Variants in KIRREL3 observed in about 807,000 individuals in gnomAD.
KIRREL3 encodes kirre like nephrin family adhesion molecule 3, also known as kin of IRRE-like protein 3.
Under a neutral mutation model 89.7 loss-of-function variants are expected in KIRREL3, and 36 were observed. That is an observed-to-expected ratio of 0.40 (90% CI 0.31 to 0.53). The LOEUF is 0.53. KIRREL3 is among the 20% of genes least tolerant of loss of function. The pLI is 0.49. For missense variants in KIRREL3, 864 were observed against 1,056.6 expected (o/e 0.82, Z 2.53); for synonymous variants, 445 against 441.4 (o/e 1.01, Z -0.10).
In KIRREL3 at chr11:126,706,209, T is replaced by C. The variant is rs144682275; in HGVS notation, c.56-143297A>G. ...TGGGTTTTATTTCCAGTGGCTATATTTTGGGATAGTTTGTCACATAGAAAT... is the reference window on the plus strand; with the variant it reads ...TGGGTTTTATTTCCAGTGGCTATATCTTGGGATAGTTTGTCACATAGAAAT... On this transcript the variant is annotated intron_variant, in intron 1 of 16. Coordinates refer to ENST00000525144, the MANE Select transcript of KIRREL3 (RefSeq NM_032531.4). Among the ~76,000 whole-genome samples the C allele has an allele frequency of 3.3e-3, 502 of 152,318 alleles. 1 individual carries two copies. Among genetic ancestry groups the C allele is most frequent in the African/African-American group, 0.011 (456 of 41,562 alleles).
Position 126,995,104 on chromosome 11 carries a change from C to G in KIRREL3, c.55+5351G>C. The stretch of plus-strand genomic sequence containing the variant: ...GGATGAAGCGATTACAACCTGGGCG[C>G]AGTATACTGGCTGGCTTTGCTGCTC... On this transcript the variant is annotated intron_variant, in intron 1 of 16. Transcript: ENST00000525144. This position sits in a 1 kb window ranked among gnomAD's most constrained non-coding sequence, Gnocchi z 6.5. 2.3e-6 allele frequency: 1 copy of G among 436,190 alleles called. No individual in the cohort carries two copies. 27.0% of individuals were successfully genotyped at this position (436,190 alleles called of 1,614,324 possible).
intron 2 of KIRREL3, among the ~76,000 whole-genome samples, chr11:126,538,178 C>T (rs1296257623): frequency 1.3e-5 from 2 of 152,220 alleles, no homozygotes; most frequent in Admixed American, 6.5e-5. Flanking sequence ...TCTGCTCATC[C>T]GGGTTGGCTT....
rs1228993234 is a variant in KIRREL3 at position 126,723,189 on chromosome 11, AT to A, written c.56-160278del. Among the ~76,000 whole-genome samples, 20 of 125,126 alleles carry A rather than the reference AT, an allele frequency of 1.6e-4. No individual in the cohort carries two copies. The highest frequency in any genetic ancestry group is 1.3e-3 in the Admixed American group (15 of 11,470). The allele number at this position is 125,126 out of a possible 152,430, so 82.1% of individuals were successfully genotyped here. On this transcript the variant is annotated intron_variant, in intron 1 of 16. Coordinates refer to ENST00000525144, the MANE Select transcript of KIRREL3 (RefSeq NM_032531.4). The surrounding 1 kb of genome is among the most constrained non-coding windows in gnomAD (Gnocchi z 4.0). The stretch of plus-strand genomic sequence containing the variant: ...ATCTCAGAGCCTGCAGCCCTGACAC[AT>A]TGCAGGTACTTAGCATACAGAGCTG...
chr11:126,774,406 G>C (rs1268407465), intron 1 of KIRREL3, among the ~76,000 whole-genome samples: 1 of 152,128 alleles, frequency 6.6e-6, no homozygotes, highest in Non-Finnish European at 1.5e-5. Flanking sequence ...GGGCCTCCTT[G>C]GCCTTTGACT....
chr11:126,744,969 T>C lies in KIRREL3; in HGVS notation c.56-182057A>G, dbSNP rs1949096647. Reference sequence around the variant, plus strand: ...TTCAGACACATTAGGTTGGAGGTGATGCGAACTGTCTTGCTGGAAGTGTCC... The same window carrying C: ...TTCAGACACATTAGGTTGGAGGTGACGCGAACTGTCTTGCTGGAAGTGTCC... On this transcript the variant is annotated intron_variant, in intron 1 of 16. Transcript: ENST00000525144. The surrounding 1 kb of genome is among the most constrained non-coding windows in gnomAD (Gnocchi z 4.7). Among the ~76,000 whole-genome samples, 1 of 152,030 alleles carries C rather than the reference T, an allele frequency of 6.6e-6. No individual in the cohort carries two copies. Among genetic ancestry groups the C allele is most frequent in the African/African-American group, 2.4e-5 (1 of 41,368 alleles).
intron 1 of KIRREL3, among the ~76,000 whole-genome samples, chr11:126,794,174 G>A (rs185834735): frequency 6.6e-6 from 1 of 152,286 alleles, no homozygotes; most frequent in East Asian, 1.9e-4. Flanking sequence ...ATGATGGCTG[G>A]GATTAATTTT....
chr11:126,790,276 A>G (rs941340796), intron 1 of KIRREL3, among the ~76,000 whole-genome samples: 2 of 152,204 alleles, frequency 1.3e-5, no homozygotes, highest in African/African-American at 4.8e-5. Context: ...CTCGGTCCAC[A>G]TGCTCTGTTG....
At chr11:126,467,872 G>A (rs1956775893) in intron 5 of KIRREL3, among the ~76,000 whole-genome samples, 1 of 152,184 alleles carries the variant, frequency 6.6e-6, no homozygotes, top group South Asian at 2.1e-4. Flanking sequence ...CCCCTAAGCT[G>A]GGCAGATAGG....
chr11:126,905,761 C>A lies in KIRREL3; in HGVS notation c.55+94694G>T, dbSNP rs753729461. On this transcript the variant is annotated intron_variant, in intron 1 of 16. Transcript: ENST00000525144. The surrounding 1 kb of genome is among the most constrained non-coding windows in gnomAD (Gnocchi z 5.0). Reference sequence around the variant, plus strand: ...ACCGCCACAGCCTGACAACACAGAGCCCTATCTGCCGCTGCCAGTTCGGGC... The same window carrying A: ...ACCGCCACAGCCTGACAACACAGAGACCTATCTGCCGCTGCCAGTTCGGGC... Among the ~76,000 whole-genome samples, 15 of 152,276 alleles carry A rather than the reference C, an allele frequency of 9.9e-5. No individual in the cohort carries two copies. Among genetic ancestry groups the A allele is most frequent in the African/African-American group, 3.6e-4 (15 of 41,558 alleles).
In KIRREL3 at chr11:126,611,751, T is replaced by A. The variant is rs1473748536; in HGVS notation, c.56-48839A>T. Among the ~76,000 whole-genome samples the A allele has an allele frequency of 6.6e-6, 1 of 152,208 alleles. No homozygotes were observed. The highest frequency in any genetic ancestry group is 1.9e-4 in the East Asian group (1 of 5,192). The stretch of plus-strand genomic sequence containing the variant: ...AACATGGTAGCCTCCCAGAGGCTGT[T>A]GGCATGTGGATGCTGCCTCTGTGAT... On this transcript the variant is annotated intron_variant, in intron 1 of 16. Transcript: ENST00000525144. This position sits in a 1 kb window ranked among gnomAD's most constrained non-coding sequence, Gnocchi z 4.7.
At chr11:126,597,973 G>A (rs1942479768) in intron 1 of KIRREL3, among the ~76,000 whole-genome samples, 1 of 152,210 alleles carries the variant, frequency 6.6e-6, no homozygotes, top group African/African-American at 2.4e-5. Flanking sequence ...AAAGACCTGT[G>A]CCTGGCTTAG....
rs561740643 is a variant in KIRREL3, at chr11:126,773,512, A to T, written c.56-210600T>A. ...AAAATAAATCTGTCTTTCTCTATATATCGCTTCCTGTTGGTTCTGTTTCTC... is the reference window on the plus strand; with the variant it reads ...AAAATAAATCTGTCTTTCTCTATATTTCGCTTCCTGTTGGTTCTGTTTCTC... On this transcript the variant is annotated intron_variant, in intron 1 of 16. Coordinates refer to ENST00000525144, the MANE Select transcript of KIRREL3 (RefSeq NM_032531.4). This position sits in a 1 kb window ranked among gnomAD's most constrained non-coding sequence, Gnocchi z 4.2. 5.9e-5 allele frequency among the ~76,000 whole-genome samples: 9 copies of T among 152,188 alleles called. No homozygotes were observed. The highest frequency in any genetic ancestry group is 1.2e-4 in the Non-Finnish European group (8 of 68,034).
rs2134148210 is a variant in KIRREL3 at position 126,431,001 on chromosome 11, G to A, written c.1696+418C>T. 3 of 1,130,858 alleles carry A rather than the reference G, an allele frequency of 2.7e-6. No homozygotes were observed. Among genetic ancestry groups the A allele is most frequent in the Non-Finnish European group, 3.3e-6 (3 of 922,886 alleles). The allele number at this position is 1,130,858 out of a possible 1,614,324, so 70.1% of individuals were successfully genotyped here. On this transcript the variant is annotated intron_variant, in intron 14 of 16. Coordinates refer to ENST00000525144, the MANE Select transcript of KIRREL3 (RefSeq NM_032531.4). The surrounding 1 kb of genome is among the most constrained non-coding windows in gnomAD (Gnocchi z 7.1). ...CACCCACTCCCCCACAGCTGTGTGA[G>A]TGACCTGCTTTTCTGGTGAGACTAG...
rs1168884835 is a variant in KIRREL3 at position 126,575,330 on chromosome 11, G to T, written c.56-12418C>A. Among the ~76,000 whole-genome samples the T allele has an allele frequency of 1.3e-5, 2 of 152,094 alleles. No homozygotes were observed. Among genetic ancestry groups the T allele is most frequent in the East Asian group, 3.9e-4 (2 of 5,170 alleles). On this transcript the variant is annotated intron_variant, in intron 1 of 16. Coordinates refer to ENST00000525144, the MANE Select transcript of KIRREL3 (RefSeq NM_032531.4). The surrounding 1 kb of genome is among the most constrained non-coding windows in gnomAD (Gnocchi z 7.0). The stretch of plus-strand genomic sequence containing the variant: ...CCCTGGGGCCTTCTCACAGTAGTGT[G>T]GGTGTCACAACCACCTCTTAGCTCT...
rs536879749 is a variant in KIRREL3 at position 126,711,377 on chromosome 11, T to C, written c.56-148465A>G. Among the ~76,000 whole-genome samples the C allele has an allele frequency of 1.1e-4, 16 of 152,310 alleles. No individual in the cohort carries two copies. In the South Asian group the frequency reaches 3.1e-3, roughly 30 times the overall value. The stretch of plus-strand genomic sequence containing the variant: ...GAGTTTGAGACCAGCCTGGCCAATA[T>C]GGTGAACCCCCCACCTCTACTAAAA... On this transcript the variant is annotated intron_variant, in intron 1 of 16. Coordinates refer to ENST00000525144, the MANE Select transcript of KIRREL3 (RefSeq NM_032531.4).
intron 1 of KIRREL3, among the ~76,000 whole-genome samples, chr11:126,915,863 A>T (rs953227008): frequency 6.6e-6 from 1 of 152,170 alleles, no homozygotes; most frequent in African/African-American, 2.4e-5. Context: ...TAGTCTTGAA[A>T]TGGGTCACAT....
At chr11:126,539,142 G>T (rs1047444921) in intron 2 of KIRREL3, among the ~76,000 whole-genome samples, 4 of 152,174 alleles carry the variant, frequency 2.6e-5, no homozygotes, top group Non-Finnish European at 4.4e-5. Flanking sequence ...TTCCCCATTG[G>T]TTTAGCAATC....
In KIRREL3 at chr11:126,995,532, G is replaced by GC. The variant is rs1950158972; in HGVS notation, c.55+4922dup. 8.5e-6 allele frequency: 3 copies of GC among 352,738 alleles called. No individual in the cohort carries two copies. The Admixed American group carries it at 1.2e-4, about 14-fold the overall frequency. 21.9% of individuals were successfully genotyped at this position (352,738 alleles called of 1,614,324 possible). On this transcript the variant is annotated intron_variant, in intron 1 of 16. Transcript: ENST00000525144. This position sits in a 1 kb window ranked among gnomAD's most constrained non-coding sequence, Gnocchi z 6.5. ...GCAAAATAATGCCTATGCCCCTCTA[G>GC]CCCCCTTAGCATCCCCCATCTATAT...
chr11:126,892,334 C>T lies in KIRREL3; in HGVS notation c.55+108121G>A, dbSNP rs1489721472. Among the ~76,000 whole-genome samples the T allele has an allele frequency of 6.6e-6, 1 of 152,106 alleles. No homozygotes were observed. Among genetic ancestry groups the T allele is most frequent in the East Asian group, 1.9e-4 (1 of 5,190 alleles). On this transcript the variant is annotated intron_variant, in intron 1 of 16. Transcript: ENST00000525144. This position sits in a 1 kb window ranked among gnomAD's most constrained non-coding sequence, Gnocchi z 5.4. ...GACCCCAGCCCTCCTCAGGACCCACCGTGGAAGCAGAACTCCCAACTGTCT... is the reference window on the plus strand; with the variant it reads ...GACCCCAGCCCTCCTCAGGACCCACTGTGGAAGCAGAACTCCCAACTGTCT...
Sources: allele counts gnomAD v4.1 joint callset (sites outside exome capture counted in the v4.1 genomes callset), GRCh38; gene constraint gnomAD v4.1.1; non-coding constraint Gnocchi (gnomAD v3.1); transcripts MANE v1.5; gene names NCBI Gene and HGNC (gene_info 2026-07-23, HGNC 2026-07-21).